The following SEMA3G variants were observed in gnomAD, a reference collection of about 807,000 sequenced individuals.
SEMA3G encodes the protein semaphorin-3G.
SEMA3G carries 70 observed loss-of-function variants against 86.2 expected under a neutral mutation model. The observed-to-expected ratio is 0.81, with a 90% CI of 0.67 to 0.99. The LOEUF is 0.99. Ranked by LOEUF, SEMA3G falls within the 50% of genes least tolerant of loss-of-function variation. The probability of loss-of-function intolerance (pLI) is 0.00; values close to 1 mark genes in which losing one functional copy is unlikely to be tolerated. For synonymous variants in SEMA3G, 416 were observed against 441.4 expected (o/e 0.94, Z 0.72); for missense variants, 1,002 against 1,072.4 (o/e 0.93, Z 0.92).
Position 52,439,974 on chromosome 3 carries a change from C to A in SEMA3G, c.1268G>T (p.Gly423Val). 10 of 1,613,742 alleles carry A rather than the reference C, an allele frequency of 6.2e-6. No individual in the cohort carries two copies. The highest frequency in any genetic ancestry group is 8.5e-6 in the Non-Finnish European group (10 of 1,179,980). The change falls in exon 11 of 16, where the codon GGC becomes GTC. Residue 423 changes from glycine to valine, a missense_variant. Physicochemically the swap from Gly to Val is moderately radical, Grantham distance 109. Coordinates refer to ENST00000231721, the MANE Select transcript of SEMA3G (RefSeq NM_020163.3). The stretch of plus-strand genomic sequence containing the variant: ...GTGGGTCTTGACAAGGACAGGGCGG[C>A]CATGTCGAGGCCGCACAGGCCAGAA... ...LMFWPVRPRH[G>V]RPVLVKTHLA...
intron 15 of SEMA3G, among the ~76,000 whole-genome samples, chr3:52,436,637 C>G (rs997617427): frequency 6.6e-6 from 1 of 152,268 alleles, no homozygotes; most frequent in Non-Finnish European, 1.5e-5. Flanking sequence ...CAGCCCCAGC[C>G]CAGGGTGGGC....
At chr3:52,439,175 A>AT (rs1706101149) in intron 12 of SEMA3G, among the ~76,000 whole-genome samples, 1 of 152,186 alleles carries the variant, frequency 6.6e-6, no homozygotes. Flanking sequence ...AGGAGGCTTG[A>AT]CTGAAAGCAC....
intron 14 of SEMA3G, 55 bp from the exon 15 acceptor site, chr3:52,437,721 T>G: frequency 6.4e-7 from 1 of 1,565,974 alleles, no homozygotes; most frequent in East Asian, 2.3e-5. Context: ...CAGATCCCAG[T>G]GCCACCACCT....
intron 10 of SEMA3G, 82 bp downstream of exon 10, chr3:52,440,295 G>T: frequency 7.0e-7 from 1 of 1,436,974 alleles, no homozygotes; most frequent in East Asian, 2.3e-5. Flanking sequence ...GGGGTGCATG[G>T]GGACATGAGG....
At position 52,435,757 on chromosome 3, in the gene SEMA3G, C is replaced by T. The variant is rs1706034957; in HGVS notation, c.2195G>A (p.Arg732Lys). Residue 732 changes from arginine (R) to lysine (K), a missense_variant, in exon 16 of 16, where the codon AGG becomes AAG. Arg to Lys is a conservative substitution (Grantham distance 26, BLOSUM62 2). Transcript: ENST00000231721. Reference sequence around the variant, plus strand: ...GCAGCCTGAGCATTCCGTGGTGCCCCTGCACCACACGCGCTCACAGTACTC... The same window carrying T: ...GCAGCCTGAGCATTCCGTGGTGCCCTTGCACCACACGCGCTCACAGTACTC... ...VDEYCERVWC[R>K]GTTECSGCFR... 6.2e-7 allele frequency: 1 copy of T among 1,614,118 alleles called. No individual in the cohort carries two copies. Among genetic ancestry groups the T allele is most frequent in the South Asian group, 1.1e-5 (1 of 91,088 alleles).
rs761540667 is a variant in SEMA3G, at chr3:52,440,387, C to T, written c.1133G>A (p.Arg378His). The change falls in exon 10 of 16, where the codon CGC (arginine) becomes CAC (histidine). Residue 378 changes from arginine to histidine, a missense_variant. Transcript: ENST00000231721. ...GPYGGKVPFP[R>H]PGVCPSKMTA... is the part of the protein sequence containing the mutation. Reference sequence around the variant, plus strand: ...CCAGCAGATACTCACCACGCCAGGGCGAGGGAAGGGCACCTTGCCCCCATA... The same window carrying T: ...CCAGCAGATACTCACCACGCCAGGGTGAGGGAAGGGCACCTTGCCCCCATA... 40 of 1,604,526 alleles carry T rather than the reference C, an allele frequency of 2.5e-5. No individual in the cohort carries two copies. Among genetic ancestry groups the T allele is most frequent in the South Asian group, 7.8e-5 (7 of 89,958 alleles).
rs774033302 is a variant in SEMA3G, at chr3:52,440,463, A to T, written c.1057T>A (p.Phe353Ile). 6.2e-7 allele frequency: 1 copy of T among 1,611,578 alleles called. No homozygotes were observed. Among genetic ancestry groups the T allele is most frequent in the South Asian group, 1.1e-5 (1 of 90,624 alleles). ...VYHMADIWEVFNGPFAHRDGP... is the reference protein window; with the variant it reads ...VYHMADIWEVINGPFAHRDGP... Reference sequence around the variant, plus strand: ...TCTCGGTGGGCAAAGGGCCCGTTGAAAACCTCCCAGATGTCTGCCATGTGG... The same window carrying T: ...TCTCGGTGGGCAAAGGGCCCGTTGATAACCTCCCAGATGTCTGCCATGTGG... Residue 353 changes from phenylalanine to isoleucine, a missense_variant, in exon 10 of 16, where the codon TTC becomes ATC. Physicochemically the swap from Phe to Ile is conservative, Grantham distance 21 (BLOSUM62 0). Transcript: ENST00000231721.
intron 10 of SEMA3G, 133 bp downstream of exon 10, chr3:52,440,244 G>A: frequency 3.9e-6 from 2 of 509,854 alleles, no homozygotes; most frequent in Non-Finnish European, 6.6e-6. Flanking sequence ...ACCCCACCCA[G>A]GCCCTCTGGA....
rs759278413 is a variant in SEMA3G at position 52,435,802 on chromosome 3, G to A, written c.2150C>T (p.Ala717Val). Residue 717 changes from alanine to valine, a missense_variant, in exon 16 of 16, where the codon GCC (alanine) becomes GTC (valine). Coordinates refer to ENST00000231721, the MANE Select transcript of SEMA3G (RefSeq NM_020163.3). Reference sequence around the variant, plus strand: ...GTACTCATCCACCCGGGGCAGGTTGGCGAAGCCAATGAGCTGCAGGATGTC... The same window carrying A: ...GTACTCATCCACCCGGGGCAGGTTGACGAAGCCAATGAGCTGCAGGATGTC... ...YKDILQLIGF[A>V]NLPRVDEYCE... The A allele has an allele frequency of 1.2e-6, 2 of 1,614,036 alleles. No individual in the cohort carries two copies. The highest frequency in any genetic ancestry group is 1.7e-6 in the Non-Finnish European group (2 of 1,180,030).
At position 52,444,857 on chromosome 3, in the gene SEMA3G, G is replaced by A. The variant is rs527339081; in HGVS notation, c.115+56C>T. 6.2e-5 allele frequency: 78 copies of A among 1,250,294 alleles called. No homozygotes were observed. The South Asian group carries it at 1.6e-3, about 25-fold the overall frequency. The allele number at this position is 1,250,294 out of a possible 1,614,324, so 77.5% of individuals were successfully genotyped here. ...AACACGGCACATGCACCCAAACAGA[G>A]CGCACACACACAAACAGGGCACATG... On this transcript the variant is annotated intron_variant, in intron 1 of 15. Transcript: ENST00000231721.
chr3:52,439,790 G>A lies in SEMA3G; in HGVS notation c.1376-19C>T, dbSNP rs375173075. 13 of 1,612,614 alleles carry A rather than the reference G, an allele frequency of 8.1e-6. No homozygotes were observed. The highest frequency in any genetic ancestry group is 1.1e-5 in the Non-Finnish European group (13 of 1,179,118). On this transcript the variant is annotated intron_variant, in intron 11 of 15. Transcript: ENST00000231721. Reference sequence around the variant, plus strand: ...CCTGAGTCTGGGGCCAGGGAGGAGGGGTCAGCGGGACAGGAGGGGACAGCC... The same window carrying A: ...CCTGAGTCTGGGGCCAGGGAGGAGGAGTCAGCGGGACAGGAGGGGACAGCC...
At position 52,440,372 on chromosome 3, in the gene SEMA3G, C is replaced by T. The variant is rs1403604647; in HGVS notation, c.1143+5G>A. ...TTCCCTGGCCTGGCCCCAGCAGATA[C>T]TCACCACGCCAGGGCGAGGGAAGGG... On this transcript the variant is annotated splice_donor_5th_base_variant and intron_variant, in intron 10 of 15. Coordinates refer to ENST00000231721, the MANE Select transcript of SEMA3G (RefSeq NM_020163.3). 2.5e-6 allele frequency: 4 copies of T among 1,593,938 alleles called. No individual in the cohort carries two copies. Among genetic ancestry groups the T allele is most frequent in the East Asian group, 2.2e-5 (1 of 44,698 alleles).
Position 52,436,003 on chromosome 3 carries a change from G to A in SEMA3G, c.1949C>T (p.Ala650Val), listed in dbSNP as rs200142915. Residue 650 changes from alanine (A) to valine (V), a missense_variant, in exon 16 of 16, where the codon GCG (alanine) becomes GTG (valine). Transcript: ENST00000231721. ...LLFRRLSRFDAGTYTCTTLEH... is the reference protein window; with the variant it reads ...LLFRRLSRFDVGTYTCTTLEH... ...CAGAGTGGTGCAGGTGTAGGTGCCCGCATCGAAACGGCTAAGCCTGCGGAA... is the reference window on the plus strand; with the variant it reads ...CAGAGTGGTGCAGGTGTAGGTGCCCACATCGAAACGGCTAAGCCTGCGGAA... The A allele has an allele frequency of 6.8e-6, 11 of 1,613,672 alleles. No homozygotes were observed. Among genetic ancestry groups the A allele is most frequent in the East Asian group, 4.5e-5 (2 of 44,894 alleles).
chr3:52,440,848 T>C (rs754191430), intron 8 of SEMA3G, 25 bp from the exon 9 acceptor site: 1 of 1,607,738 alleles, frequency 6.2e-7, no homozygotes, highest in African/African-American at 1.3e-5. Context: ...GGAGTATGAG[T>C]GTCATGGCCA....
rs778385932 is a variant in SEMA3G, at chr3:52,442,998, C to T, written c.116-91G>A. The stretch of plus-strand genomic sequence containing the variant: ...GAGGTGGAGGCCCCGGCTGAGCATC[C>T]ACCCCTGACACACTCACATCTGGAA... On this transcript the variant is annotated intron_variant, in intron 1 of 15. Coordinates refer to ENST00000231721, the MANE Select transcript of SEMA3G (RefSeq NM_020163.3). The surrounding 1 kb of genome is among the most constrained non-coding windows in gnomAD (Gnocchi z 6.1). 7.1e-6 allele frequency: 11 copies of T among 1,546,900 alleles called. No homozygotes were observed. The highest frequency in any genetic ancestry group is 9.6e-6 in the Non-Finnish European group (11 of 1,146,828).
intron 4 of SEMA3G, 82 bp from the exon 5 acceptor site, chr3:52,441,991 G>C: frequency 7.5e-7 from 1 of 1,341,600 alleles, no homozygotes; most frequent in Non-Finnish European, 1.0e-6. Context: ...GAGCCCTCGC[G>C]TGCGGCCAGA....
chr3:52,437,827 C>G lies in SEMA3G; in HGVS notation c.1738+144G>C, dbSNP rs951852859. 4 of 1,092,500 alleles carry G rather than the reference C, an allele frequency of 3.7e-6. No individual in the cohort carries two copies. In the African/African-American group the frequency reaches 4.7e-5, roughly 13 times the overall value. The allele number at this position is 1,092,500 out of a possible 1,614,324, so 67.7% of individuals were successfully genotyped here. ...TGTGTCCAAAGACCCTGCTTCCATG[C>G]ACTAGCAGGAGCTACACAGAGAGGG... On this transcript the variant is annotated intron_variant, in intron 14 of 15. Coordinates refer to ENST00000231721, the MANE Select transcript of SEMA3G (RefSeq NM_020163.3).
intron 6 of SEMA3G, 58 bp downstream of exon 6, chr3:52,441,516 G>C: frequency 6.3e-7 from 1 of 1,581,688 alleles, no homozygotes; most frequent in Non-Finnish European, 8.7e-7. Flanking sequence ...CTGGAGGCTG[G>C]TGTCCTAGCT....
At position 52,435,552 on chromosome 3, in the gene SEMA3G, G is replaced by A. The variant is rs1430286540; in HGVS notation, c.*51C>T. On this transcript the variant is annotated 3_prime_UTR_variant, in exon 16 of 16. Transcript: ENST00000231721. ...GCTGGGTGGGTGGGAGATGCTGGGGGCTGCTAGTGGGCCCCCCAGCCCATC... is the reference window on the plus strand; with the variant it reads ...GCTGGGTGGGTGGGAGATGCTGGGGACTGCTAGTGGGCCCCCCAGCCCATC... 1.3e-6 allele frequency: 2 copies of A among 1,539,876 alleles called. No individual in the cohort carries two copies. The highest frequency in any genetic ancestry group is 2.7e-5 in the African/African-American group (2 of 73,428).
Sources: gnomAD v4.1 joint callset for allele counts (sites outside exome capture counted in the v4.1 genomes callset) on GRCh38, gnomAD v4.1.1 for gene constraint, Gnocchi (gnomAD v3.1) non-coding constraint, MANE v1.5 for transcripts, NCBI Gene and HGNC (gene_info 2026-07-23, HGNC 2026-07-21) for gene names.